Variants in VPS54 observed in about 807,000 individuals in gnomAD.
VPS54 encodes the protein VPS54 subunit of GARP complex.
In VPS54, 45 loss-of-function variants were observed where a neutral mutation model predicts 121.5. That is an observed-to-expected ratio of 0.37 (90% CI 0.29 to 0.47). The LOEUF (loss-of-function observed/expected upper bound fraction) is 0.47. Among genes scored for constraint, VPS54 ranks in the 20% least tolerant of loss-of-function variants. The pLI is 0.99. For synonymous variants in VPS54, 371 were observed against 385.8 expected (o/e 0.96, Z 0.45); for missense variants, 1,090 against 1,131.4 (o/e 0.96, Z 0.52).
At chr2:63,975,260 C>G in intron 3 of VPS54, 1 of 418,952 alleles carries the variant, frequency 2.4e-6, no homozygotes, top group Non-Finnish European at 4.3e-6. Flanking sequence ...AACCTCCAAG[C>G]TGTTCTTGTC....
At chr2:63,996,311 A>G (rs1677588023) in intron 1 of VPS54, among the ~76,000 whole-genome samples, 1 of 152,172 alleles carries the variant, frequency 6.6e-6, no homozygotes, top group African/African-American at 2.4e-5. Flanking sequence ...ATGGACATTT[A>G]TCACTTCCCC....
Position 63,965,916 on chromosome 2 carries a change from T to C in VPS54, c.543A>G (p.Ser181=), listed in dbSNP as rs1271563170. 2 of 1,612,606 alleles carry C rather than the reference T, an allele frequency of 1.2e-6. No homozygotes were observed. Among genetic ancestry groups the C allele is most frequent in the African/African-American group, 2.7e-5 (2 of 74,980 alleles). The stretch of plus-strand genomic sequence containing the variant: ...TATTAAAATGAGACCATGGTAAAAC[T>C]GAATTAAAAGTTAAGGAATCATCCA... ...FALDDSLTFN[S]VLPWSHFNTA... The change falls in exon 6 of 23, where the codon TCA becomes TCG. Residue 181 remains serine, a synonymous_variant. Transcript: ENST00000272322.
At position 63,920,509 on chromosome 2, in the gene VPS54, G is replaced by A. The variant is rs771337071; in HGVS notation, c.1988C>T (p.Ala663Val). 2 of 1,584,664 alleles carry A rather than the reference G, an allele frequency of 1.3e-6. No homozygotes were observed. The highest frequency in any genetic ancestry group is 1.8e-5 in the Admixed American group (1 of 56,256). Residue 663 changes from alanine to valine, a missense_variant, in exon 14 of 23, where the codon GCA becomes GTA. By Grantham distance (64) the Ala-to-Val change is moderately conservative. Transcript: ENST00000272322. ...CGRKSTSLLGALQSQAIKFVN... is the reference protein window; with the variant it reads ...CGRKSTSLLGVLQSQAIKFVN... ...AAACTTAATAGCTTGGCTCTGAAGT[G>A]CTCCAAGTAATGACGTGCTTTTTCT...
intron 17 of VPS54, 92 bp downstream of exon 17, chr2:63,914,090 G>C: frequency 8.7e-7 from 1 of 1,154,112 alleles, no homozygotes. Flanking sequence ...AAGTTAATTT[G>C]ACCTTGAAAT....
intron 1 of VPS54, among the ~76,000 whole-genome samples, chr2:63,987,928 T>G (rs1677130337): frequency 6.6e-6 from 1 of 152,220 alleles, no homozygotes; most frequent in Admixed American, 6.5e-5. Context: ...TGATGAATTC[T>G]TTAGGTTTAT....
chr2:63,991,632 C>T (rs932534833), intron 1 of VPS54, among the ~76,000 whole-genome samples: 10 of 152,210 alleles, frequency 6.6e-5, no homozygotes, highest in African/African-American at 9.6e-5. Flanking sequence ...TGTTTGCTCA[C>T]GTCGTCGCAA....
At chr2:63,928,602 T>C (rs113741904) in intron 12 of VPS54, among the ~76,000 whole-genome samples, 20,419 of 152,098 alleles carry the variant, frequency 0.13, 1,524 homozygotes, top group Middle Eastern at 0.22. Context: ...CTGCATCAAT[T>C]AGTGGGCGAA....
intron 14 of VPS54, 32 bp downstream of exon 14, chr2:63,920,414 A>G (rs766922950): frequency 1.4e-6 from 2 of 1,427,424 alleles, no homozygotes; most frequent in Non-Finnish European, 1.8e-6. Flanking sequence ...AAATGAAAAA[A>G]TCAAACAACA....
intron 15 of VPS54, among the ~76,000 whole-genome samples, chr2:63,917,921 C>T (rs1558990179): frequency 6.6e-6 from 1 of 151,928 alleles, no homozygotes; most frequent in African/African-American, 2.4e-5. Context: ...TAATATCTAG[C>T]TCATGGACCT....
In VPS54 at chr2:63,912,394, G is replaced by A. The variant is rs755059960; in HGVS notation, c.2576C>T (p.Ala859Val). Residue 859 changes from alanine (A) to valine (V), a missense_variant, in exon 20 of 23, where the codon GCT becomes GTT. Physicochemically the swap from Ala to Val is moderately conservative, Grantham distance 64. Around this residue, in one of 2 missense-constraint regions of VPS54, gnomAD observed 289 missense variants for 374.4 expected, o/e 0.77. Coordinates refer to ENST00000272322, the MANE Select transcript of VPS54 (RefSeq NM_016516.3). ...DYHDHIAEISAKLVAIMDSLF... is the reference protein window; with the variant it reads ...DYHDHIAEISVKLVAIMDSLF... Reference sequence around the variant, plus strand: ...GCTATCCATTATCGCTACAAGCTTAGCTGATATTTCAGCTATGTGATCATG... The same window carrying A: ...GCTATCCATTATCGCTACAAGCTTAACTGATATTTCAGCTATGTGATCATG... 1.9e-5 allele frequency: 31 copies of A among 1,612,276 alleles called. No individual in the cohort carries two copies. In the East Asian group the frequency reaches 6.7e-4, roughly 35 times the overall value.
intron 3 of VPS54, among the ~76,000 whole-genome samples, 195 bp downstream of exon 3, chr2:63,981,451 C>G (rs1390104848): frequency 6.6e-6 from 1 of 152,048 alleles, no homozygotes; most frequent in African/African-American, 2.4e-5. Flanking sequence ...TCTGAAAAAT[C>G]ACTACTGTAA....
chr2:63,947,397 T>A lies in VPS54; in HGVS notation c.1231A>T (p.Asn411Tyr). ...YGEKMVITAK[N>Y]IIKQCVINKV... is the part of the protein sequence containing the mutation. ...TGCATAATTACCTGTTTAATGATAT[T>A]CTTTGCTGTAATAACCATTTTTTCA... The change falls in exon 9 of 23, where the codon AAT (asparagine) becomes TAT (tyrosine). Residue 411 changes from asparagine to tyrosine, a missense_variant. Asn to Tyr is a moderately radical substitution (Grantham distance 143, BLOSUM62 -2). Coordinates refer to ENST00000272322, the MANE Select transcript of VPS54 (RefSeq NM_016516.3). The A allele has an allele frequency of 6.4e-7, 1 of 1,557,268 alleles. No individual in the cohort carries two copies. Among genetic ancestry groups the A allele is most frequent in the African/African-American group, 1.4e-5 (1 of 73,288 alleles).
chr2:63,943,732 T>TTTTC (rs1674847329), intron 10 of VPS54, among the ~76,000 whole-genome samples: 2 of 149,988 alleles, frequency 1.3e-5, no homozygotes, highest in African/African-American at 4.9e-5. Context: ...TCTTTCTTTT[T>TTTTC]TTTTTTTTTT....
intron 1 of VPS54, among the ~76,000 whole-genome samples, chr2:63,985,597 T>A (rs948038717): frequency 6.6e-6 from 1 of 151,724 alleles, no homozygotes; most frequent in African/African-American, 2.4e-5. Context: ...GAACACTGAA[T>A]AATCAATCAT....
rs58336872 is a variant in VPS54 at position 63,983,444 on chromosome 2, ATTTT to A, written c.136+416_136+419del. Among the ~76,000 whole-genome samples, 5 of 120,126 alleles carry A rather than the reference ATTTT, an allele frequency of 4.2e-5. No individual in the cohort carries two copies. In the East Asian group the frequency reaches 7.4e-4, roughly 18 times the overall value. 78.8% of individuals were successfully genotyped at this position (120,126 alleles called of 152,430 possible). ...GAGCCACCACGCCGGGCCCCAAATG[ATTTT>A]TTTTTTTTTTTTTTGAGATGGAGTC... is the stretch of plus-strand genomic sequence containing the variant. On this transcript the variant is annotated intron_variant, in intron 2 of 22. Transcript: ENST00000272322.
chr2:63,944,530 G>C, intron 10 of VPS54, 70 bp downstream of exon 10: 1 of 1,425,776 alleles, frequency 7.0e-7, no homozygotes, highest in Non-Finnish European at 9.8e-7. Flanking sequence ...AATCTACTTC[G>C]AATTATTCTA....
chr2:63,973,276 T>C (rs762879103), intron 3 of VPS54, among the ~76,000 whole-genome samples: 1 of 152,244 alleles, frequency 6.6e-6, no homozygotes, highest in Non-Finnish European at 1.5e-5. Flanking sequence ...CTAATGACAT[T>C]TGATATTTAG....
rs1169032115 is a variant in VPS54 at position 63,934,116 on chromosome 2, A to C, written c.1399-103T>G. On this transcript the variant is annotated intron_variant, in intron 11 of 22. Coordinates refer to ENST00000272322, the MANE Select transcript of VPS54 (RefSeq NM_016516.3). ...TGTAATTTTGGACATCTATAATCAT[A>C]AATGAGTCAAAGTCATGTATATCAG... is the stretch of plus-strand genomic sequence containing the variant. 7.1e-6 allele frequency: 7 copies of C among 991,432 alleles called. No individual in the cohort carries two copies. The East Asian group carries it at 1.6e-4, about 22-fold the overall frequency. 61.4% of individuals were successfully genotyped at this position (991,432 alleles called of 1,614,324 possible).
chr2:64,006,524 A>G (rs1678163508), intron 1 of VPS54, among the ~76,000 whole-genome samples: 2 of 152,230 alleles, frequency 1.3e-5, no homozygotes, highest in Non-Finnish European at 2.9e-5. Flanking sequence ...TCTTCCTCAT[A>G]GGAATGTCAT....
Sources: gnomAD v4.1 joint callset for allele counts (sites outside exome capture counted in the v4.1 genomes callset) on GRCh38, gnomAD v4.1.1 for gene constraint, gnomAD v4.1.1 regional missense constraint, MANE v1.5 for transcripts, NCBI Gene and HGNC (gene_info 2026-07-23, HGNC 2026-07-21) for gene names.